The following OGG1 variants were observed in gnomAD, a reference collection of about 807,000 sequenced individuals.
OGG1 encodes 8-oxoguanine DNA glycosylase.
In OGG1, 35 loss-of-function variants were observed where a neutral mutation model predicts 42.3. That is an observed-to-expected ratio of 0.83 (90% CI 0.63 to 1.10). The LOEUF (loss-of-function observed/expected upper bound fraction) is 1.10, where lower values mean the gene tolerates loss of function less well. Ranked by LOEUF, OGG1 falls within the 50% of genes least tolerant of loss-of-function variation. The probability of loss-of-function intolerance (pLI) is 0.00; values close to 1 mark genes in which losing one functional copy is unlikely to be tolerated. For synonymous variants in OGG1, 189 were observed against 179.0 expected, an observed-to-expected ratio of 1.06 and a Z score of -0.44; for missense variants, 484 against 446.7, an observed-to-expected ratio of 1.08 and a Z score of -0.75.
chr3:9,750,131 G>A lies in OGG1; in HGVS notation c.-156G>A, dbSNP rs2077225902. 2.1e-6 allele frequency: 2 copies of A among 943,874 alleles called. No homozygotes were observed. Among genetic ancestry groups the A allele is most frequent in the East Asian group, 2.5e-5 (1 of 40,066 alleles). The allele number at this position is 943,874 out of a possible 1,614,324, so 58.5% of individuals were successfully genotyped here. A position where few individuals can be genotyped will look rare whatever the true frequency, so the allele number is the denominator to read the frequency against. On this transcript the variant is annotated 5_prime_UTR_variant, in exon 1 of 7. Coordinates refer to ENST00000344629, the MANE Select transcript of OGG1 (RefSeq NM_002542.6). ...CCCGCAAAGGGCGAGGCATGCAGGAGGTGGAGGAATTAAGTGAAACAGGGA... is the reference window on the plus strand; with the variant it reads ...CCCGCAAAGGGCGAGGCATGCAGGAAGTGGAGGAATTAAGTGAAACAGGGA...
At chr3:9,757,935 T>C (rs2077663737), downstream of OGG1, 4 of 1,514,116 alleles carry the variant, frequency 2.6e-6, no homozygotes, top group Admixed American at 8.9e-5. This position sits in a 1 kb window ranked among gnomAD's most constrained non-coding sequence, Gnocchi z 4.5. Flanking sequence ...ATTCTTGCAA[T>C]TGTTCTGTTA....
exon 4 of OGG1, chr3:9,788,101 G>A (rs1033074636): frequency 4.5e-6 from 1 of 222,080 alleles, no homozygotes; most frequent in Non-Finnish European, 9.2e-6. Flanking sequence ...GAGGAAGAAA[G>A]GCCTGGATGC....
chr3:9,756,353 A>C (rs1199248100), intron 4 of OGG1, 118 bp from the exon 5 acceptor site: 19 of 984,632 alleles, frequency 1.9e-5, no homozygotes, highest in Non-Finnish European at 6.4e-6. Context: ...TTGATTGAGA[A>C]TATAGAACAA....
intron 7 of OGG1, among the ~76,000 whole-genome samples, chr3:9,764,628 G>GTTTTTTTTTTTT (rs55972033): frequency 1.1e-5 from 1 of 92,330 alleles, no homozygotes; most frequent in Non-Finnish European, 2.1e-5. Context: ...TTTTTTTTTT[G>GTTTTTTTTTTTT]TTTTTTTTTT....
At chr3:9,761,522 C>T (rs1458004817), downstream of OGG1, 6 of 1,613,414 alleles carry the variant, frequency 3.7e-6, no homozygotes, top group Non-Finnish European at 5.1e-6. Context: ...GGCTTCTGGG[C>T]CAGGACTTCA....
chr3:9,785,241 T>C (rs1312870380), intron 3 of OGG1: 1 of 1,214,054 alleles, frequency 8.2e-7, no homozygotes, highest in Non-Finnish European at 1.2e-6. Context: ...TGATGAGGAC[T>C]TCCCCAGGTT....
At chr3:9,768,205 T>C (rs539566223), downstream of OGG1, among the ~76,000 whole-genome samples, 2 of 152,284 alleles carry the variant, frequency 1.3e-5, no homozygotes, top group Non-Finnish European at 2.9e-5. Flanking sequence ...GTGTCTCCTT[T>C]CCCTCCTCCT....
downstream of OGG1, chr3:9,759,142 A>C: frequency 4.1e-6 from 6 of 1,457,634 alleles, no homozygotes; most frequent in Non-Finnish European, 5.8e-6. Context: ...GAATGGCTAT[A>C]GACATTATTC....
chr3:9,763,537 G>A (rs2077995922), intron 7 of OGG1, among the ~76,000 whole-genome samples: 1 of 152,084 alleles, frequency 6.6e-6, no homozygotes, highest in Non-Finnish European at 1.5e-5. Flanking sequence ...AGCTTACCAT[G>A]GTTTATTACC....
chr3:9,750,740 G>GT (rs1326156755), intron 1 of OGG1: 4 of 733,866 alleles, frequency 5.5e-6, no homozygotes, highest in Non-Finnish European at 9.1e-6. Flanking sequence ...AGCCTCCCGA[G>GT]TAGCTGGGAC....
At chr3:9,775,369 A>C (rs2078351615) in intron 2 of OGG1, among the ~76,000 whole-genome samples, 1 of 152,202 alleles carries the variant, frequency 6.6e-6, no homozygotes, top group Non-Finnish European at 1.5e-5. Context: ...TCAATGTATG[A>C]TTCCAGTTTC....
At chr3:9,780,697 TAC>T in intron 2 of OGG1, 2 of 698,692 alleles carry the variant, frequency 2.9e-6, no homozygotes, top group Non-Finnish European at 4.7e-6. Context: ...GTTACTGACC[TAC>T]ACTTACATGG....
At chr3:9,763,609 G>C (rs553122750) in intron 7 of OGG1, among the ~76,000 whole-genome samples, 5 of 152,010 alleles carry the variant, frequency 3.3e-5, no homozygotes, top group Non-Finnish European at 5.9e-5. Flanking sequence ...ACAGACCTGG[G>C]TCCAAATCCT....
At chr3:9,787,936 C>T (rs935748487) in exon 4 of OGG1, 9 of 357,522 alleles carry the variant, frequency 2.5e-5, no homozygotes, top group Non-Finnish European at 3.8e-5. Flanking sequence ...CAGAGACCAG[C>T]GAGGAGGCTG....
downstream of OGG1, chr3:9,758,152 C>T (rs940631689): frequency 3.2e-5 from 7 of 218,396 alleles, no homozygotes; most frequent in South Asian, 1.1e-4. Flanking sequence ...AAGCACTTTA[C>T]GTAGTAATTC....
downstream of OGG1, chr3:9,789,881 T>C (rs749798773): frequency 1.9e-5 from 31 of 1,614,132 alleles, no homozygotes; most frequent in African/African-American, 5.3e-5. Flanking sequence ...CTTCCCATGT[T>C]TGGGGGGAGC....
At chr3:9,750,828 A>G (rs1419196519) in intron 1 of OGG1, 117 bp from the exon 2 acceptor site, 1 of 1,242,224 alleles carries the variant, frequency 8.1e-7, no homozygotes, top group African/African-American at 1.5e-5. Flanking sequence ...TCAGACTGGA[A>G]GATAGCACTG....
chr3:9,774,136 G>A (rs913127225), intron 2 of OGG1, among the ~76,000 whole-genome samples: 6 of 152,098 alleles, frequency 3.9e-5, no homozygotes, highest in African/African-American at 9.7e-5. Flanking sequence ...TTGGCTGGGC[G>A]TGGTGACTCA....
intron 2 of OGG1, among the ~76,000 whole-genome samples, chr3:9,773,830 C>T (rs2078332608): frequency 6.6e-6 from 1 of 152,024 alleles, no homozygotes; most frequent in Admixed American, 6.6e-5. Context: ...GTAGCTGGGG[C>T]TGCAGGTGTG....
Sources: allele counts gnomAD v4.1 joint callset (sites outside exome capture counted in the v4.1 genomes callset), GRCh38; gene constraint gnomAD v4.1.1; non-coding constraint Gnocchi (gnomAD v3.1); transcripts MANE v1.5; gene names NCBI Gene and HGNC (gene_info 2026-07-23, HGNC 2026-07-21).